Variants in CRISP2 observed in about 807,000 individuals in gnomAD.
The protein encoded by CRISP2 is cysteine-rich secretory protein 2.
CRISP2 carries 29 observed loss-of-function variants against 31.7 expected under a neutral mutation model. That is an observed-to-expected ratio of 0.92 (90% confidence interval 0.68 to 1.25). The LOEUF is 1.25. Among genes scored for constraint, CRISP2 ranks in the 50% most tolerant of loss-of-function variants. The pLI, the probability that CRISP2 is intolerant of heterozygous loss-of-function variation, is 0.00. For synonymous variants in CRISP2, 111 were observed against 101.4 expected, an observed-to-expected ratio of 1.09 and a Z score of -0.57; for missense variants, 318 against 286.5, an observed-to-expected ratio of 1.11 and a Z score of -0.79.
At chr6:49,707,445 T>G (rs1767260948) in intron 4 of CRISP2, among the ~76,000 whole-genome samples, 1 of 152,168 alleles carries the variant, frequency 6.6e-6, no homozygotes, top group South Asian at 2.1e-4. Flanking sequence ...GCATCTGATT[T>G]CAAACATTTA....
chr6:49,688,623 T>C (rs1763958311), downstream of CRISP2, among the ~76,000 whole-genome samples: 1 of 152,180 alleles, frequency 6.6e-6, no homozygotes, highest in Non-Finnish European at 1.5e-5. Flanking sequence ...GGATTGCCTC[T>C]AAATTTTGTA....
intron 3 of CRISP2, among the ~76,000 whole-genome samples, chr6:49,710,234 G>A (rs1416983570): frequency 6.6e-6 from 1 of 152,176 alleles, no homozygotes; most frequent in Non-Finnish European, 1.5e-5. Flanking sequence ...AAAAAGGGAT[G>A]AGGGATGAAC....
chr6:49,701,058 T>C (rs1765583560), intron 4 of CRISP2, among the ~76,000 whole-genome samples: 1 of 152,074 alleles, frequency 6.6e-6, no homozygotes, highest in African/African-American at 2.4e-5. Context: ...CTTTGGGAAT[T>C]GTGAGTAACT....
the CRISP2 span, among the ~76,000 whole-genome samples, chr6:49,686,485 TA>T: frequency 6.6e-6 from 1 of 152,008 alleles, no homozygotes; most frequent in Admixed American, 6.6e-5. Flanking sequence ...AAAATACCAA[TA>T]AAAAACCCAC....
At position 49,696,247 on chromosome 6, in the gene CRISP2, A is replaced by G. The variant is rs1764724004; in HGVS notation, c.516-323T>C. 2.0e-5 allele frequency among the ~76,000 whole-genome samples: 3 copies of G among 152,102 alleles called. No homozygotes were observed. In the South Asian group the frequency reaches 6.2e-4, roughly 32 times the overall value. ...TTTAGTCAAATTACTAAGGCAGTGT[A>G]CCCCAAGGTGCCAATTAGGGGTAAA... is the stretch of plus-strand genomic sequence containing the variant. On this transcript the variant is annotated intron_variant, in intron 8 of 9. Coordinates refer to ENST00000339139, the MANE Select transcript of CRISP2 (RefSeq NM_003296.4).
At chr6:49,710,031 A>G (rs932616113) in intron 3 of CRISP2, among the ~76,000 whole-genome samples, 2 of 152,146 alleles carry the variant, frequency 1.3e-5, no homozygotes, top group Admixed American at 1.3e-4. Flanking sequence ...TAGTCATATA[A>G]ATTGTTTAAT....
the CRISP2 span, among the ~76,000 whole-genome samples, chr6:49,682,339 T>C: frequency 6.6e-6 from 1 of 152,180 alleles, no homozygotes; most frequent in African/African-American, 2.4e-5. Context: ...TTCAACTGTC[T>C]TCTCTATGCC....
chr6:49,686,599 TTGG>T, the CRISP2 span, among the ~76,000 whole-genome samples: 1 of 152,230 alleles, frequency 6.6e-6, no homozygotes, highest in Non-Finnish European at 1.5e-5. Flanking sequence ...TTTTACACTG[TTGG>T]TGGGACTGTA....
At chr6:49,677,022 G>A in the CRISP2 span, among the ~76,000 whole-genome samples, 1 of 152,120 alleles carries the variant, frequency 6.6e-6, no homozygotes, top group African/African-American at 2.4e-5. Context: ...CTTATACTGG[G>A]GTAGTAAGCA....
At chr6:49,688,126 T>C (rs1455277358), downstream of CRISP2, among the ~76,000 whole-genome samples, 1 of 152,172 alleles carries the variant, frequency 6.6e-6, no homozygotes, top group Non-Finnish European at 1.5e-5. Flanking sequence ...CAACCTGCAA[T>C]GGATGAGTCC....
intron 8 of CRISP2, 94 bp downstream of exon 8, chr6:49,697,766 A>G (rs1342251845): frequency 6.3e-7 from 1 of 1,599,200 alleles, no homozygotes; most frequent in South Asian, 1.1e-5. Flanking sequence ...CCTTTTATTG[A>G]GATATGTTTT....
intron 9 of CRISP2, 98 bp from the exon 10 acceptor site, chr6:49,692,998 A>C: frequency 7.8e-7 from 1 of 1,276,374 alleles, no homozygotes; most frequent in South Asian, 1.3e-5. Context: ...GAGGGAACAA[A>C]CAAGTTAGCA....
intron 4 of CRISP2, among the ~76,000 whole-genome samples, chr6:49,708,338 T>G (rs1767422172): frequency 6.6e-6 from 1 of 152,200 alleles, no homozygotes. Flanking sequence ...CAAAAAGACA[T>G]GTCCATATCC....
the CRISP2 span, among the ~76,000 whole-genome samples, chr6:49,679,171 A>G: frequency 2.6e-5 from 4 of 152,134 alleles, no homozygotes. Context: ...GTCATAAGTC[A>G]TTTTTGCACT....
At chr6:49,679,331 T>A in the CRISP2 span, among the ~76,000 whole-genome samples, 1 of 152,158 alleles carries the variant, frequency 6.6e-6, no homozygotes, top group African/African-American at 2.4e-5. Context: ...GTCTGTCAGT[T>A]AAGGTACAGT....
the CRISP2 span, among the ~76,000 whole-genome samples, chr6:49,684,440 C>CA: frequency 6.6e-6 from 1 of 152,086 alleles, no homozygotes; most frequent in Non-Finnish European, 1.5e-5. Flanking sequence ...TTTTGATGAT[C>CA]AGTGGTTAGT....
chr6:49,697,731 A>G (rs778433912), intron 8 of CRISP2, 129 bp downstream of exon 8: 4 of 1,550,270 alleles, frequency 2.6e-6, no homozygotes, highest in Non-Finnish European at 3.5e-6. Context: ...AACCTTAAAA[A>G]ACATTTCCAA....
chr6:49,699,262 A>G (rs1262031987), intron 6 of CRISP2, among the ~76,000 whole-genome samples: 1 of 151,938 alleles, frequency 6.6e-6, no homozygotes, highest in Non-Finnish European at 1.5e-5. Context: ...AAAAATATTC[A>G]TTTTTATAGA....
chr6:49,699,015 T>G (rs1765221813), intron 6 of CRISP2, among the ~76,000 whole-genome samples: 1 of 152,160 alleles, frequency 6.6e-6, no homozygotes, highest in Middle Eastern at 3.4e-3. Flanking sequence ...TTTTCAAAAT[T>G]TATGGGTTTT....
Sources: gnomAD v4.1 joint callset for allele counts (sites outside exome capture counted in the v4.1 genomes callset) on GRCh38, gnomAD v4.1.1 for gene constraint, MANE v1.5 for transcripts, NCBI Gene and HGNC (gene_info 2026-07-23, HGNC 2026-07-21) for gene names.